Variants in LSM14B observed in about 807,000 individuals in gnomAD.
LSM14B encodes LSM family member 14B.
A neutral mutation model predicts 42.1 loss-of-function variants in LSM14B; 8 were observed. That is an observed-to-expected ratio of 0.19 (90% CI 0.11 to 0.34). The LOEUF is 0.34. LSM14B is among the 10% of genes least tolerant of loss of function. The probability of loss-of-function intolerance (pLI) is 1.00; values close to 1 mark genes in which losing one functional copy is unlikely to be tolerated. For missense variants in LSM14B, 396 were observed against 513.1 expected (o/e 0.77, Z 2.21); for synonymous variants, 219 against 209.7 (o/e 1.04, Z -0.38).
chr20:62,134,610 G>C lies in LSM14B; in HGVS notation c.*462G>C, dbSNP rs1182354109. 1 of 220,074 alleles carries C rather than the reference G, an allele frequency of 4.5e-6. No homozygotes were observed. Among genetic ancestry groups the C allele is most frequent in the Non-Finnish European group, 9.0e-6 (1 of 111,018 alleles). The allele number at this position is 220,074 out of a possible 1,614,324, so 13.6% of individuals were successfully genotyped here. A position where few individuals can be genotyped will look rare whatever the true frequency, so the allele number is the denominator to read the frequency against. ...TTGGCCTGGCACCCCACTGCCAAGG[G>C]TGGGGTCTCAGGAGTCAGGCAGGGC... On this transcript the variant is annotated 3_prime_UTR_variant, in exon 9 of 9. Transcript: ENST00000279068.
chr20:62,131,579 G>A, intron 7 of LSM14B, 73 bp downstream of exon 7: 1 of 1,570,186 alleles, frequency 6.4e-7, no homozygotes, highest in Middle Eastern at 1.7e-4. Context: ...CTCTCAACCT[G>A]AGGGCAGAGC....
chr20:62,122,563 C>G lies in LSM14B; in HGVS notation c.-104C>G. 1.2e-6 allele frequency: 1 copy of G among 837,140 alleles called. No individual in the cohort carries two copies. The highest frequency in any genetic ancestry group is 1.4e-6 in the Non-Finnish European group (1 of 693,668). The allele number at this position is 837,140 out of a possible 1,614,324, so 51.9% of individuals were successfully genotyped here. On this transcript the variant is annotated 5_prime_UTR_variant, in exon 1 of 9. Coordinates refer to ENST00000279068, the MANE Select transcript of LSM14B (RefSeq NM_144703.3). The surrounding 1 kb of genome is among the most constrained non-coding windows in gnomAD (Gnocchi z 4.6). The stretch of plus-strand genomic sequence containing the variant: ...GCGCCCAGGCGGAGGCGGCGGCGGG[C>G]GGAGGAGCGCAGGAGCGGGCGGCCA...
chr20:62,123,754 TTCA>T (rs2056493338), intron 1 of LSM14B, among the ~76,000 whole-genome samples: 1 of 152,242 alleles, frequency 6.6e-6, no homozygotes, highest in Admixed American at 6.5e-5. Context: ...CACAGGGAAC[TTCA>T]TGTGTAGAAG....
At position 62,126,364 on chromosome 20, in the gene LSM14B, C is replaced by T; in HGVS notation, c.352C>T (p.Arg118Ter). Residue 118 changes from arginine to a stop codon, truncating the protein, a stop_gained, in exon 3 of 9, where the codon CGA (arginine) becomes TGA (stop). Transcript: ENST00000279068. LOFTEE classifies it high-confidence loss of function. ...FQPHVPYSPF[R>*]GMAPYGPLAA... ...GCCGCACGTGCCTTACAGCCCTTTC[C>T]GAGGGATGGCGCCCTACGGCCCGCT... 1 of 1,613,312 alleles carries T rather than the reference C, an allele frequency of 6.2e-7. No homozygotes were observed. Among genetic ancestry groups the T allele is most frequent in the Admixed American group, 1.7e-5 (1 of 60,016 alleles).
At chr20:62,133,740 G>A (rs545365752) in intron 8 of LSM14B, among the ~76,000 whole-genome samples, 27 of 152,346 alleles carry the variant, frequency 1.8e-4, no homozygotes, top group African/African-American at 5.1e-4. Flanking sequence ...TGCGGGAGTC[G>A]CGTGGGCTGG....
intron 6 of LSM14B, 139 bp from the exon 7 acceptor site, chr20:62,131,217 G>A: frequency 9.9e-7 from 1 of 1,011,006 alleles, no homozygotes; most frequent in South Asian, 1.7e-5. Flanking sequence ...GGTAGAAGAA[G>A]AGATTTCTGC....
At chr20:62,126,053 T>G (rs1337292550) in intron 2 of LSM14B, among the ~76,000 whole-genome samples, 2 of 151,994 alleles carry the variant, frequency 1.3e-5, no homozygotes, top group African/African-American at 4.8e-5. Flanking sequence ...AGAGCAATAC[T>G]CTTTCAAAAA....
At position 62,133,383 on chromosome 20, in the gene LSM14B, C is replaced by T. The variant is rs771272518; in HGVS notation, c.1080C>T (p.Gly360=). Residue 360 remains glycine (G), a synonymous_variant, in exon 8 of 9, where the codon GGC becomes GGT. Transcript: ENST00000279068. ...GRFLRGRSSR[G]GFRGGRGNGT... ...TTCTTCGTGGCCGCAGTTCTCGGGG[C>T]GGATTCCGAGGAGGCAGGGGCAATG... The T allele has an allele frequency of 1.2e-5, 20 of 1,613,070 alleles. No homozygotes were observed. The East Asian group carries it at 1.3e-4, about 11-fold the overall frequency.
chr20:62,132,271 A>C (rs2056789987), intron 7 of LSM14B, among the ~76,000 whole-genome samples: 1 of 152,200 alleles, frequency 6.6e-6, no homozygotes, highest in East Asian at 1.9e-4. Context: ...GAGTGCGGGA[A>C]GTGCTTCCAG....
intron 3 of LSM14B, chr20:62,127,850 T>C (rs985385163): frequency 4.1e-6 from 3 of 723,774 alleles, no homozygotes; most frequent in Admixed American, 4.0e-5. Flanking sequence ...CAGCATGTAG[T>C]CCTGATTGAT....
intron 6 of LSM14B, among the ~76,000 whole-genome samples, chr20:62,131,024 G>C (rs2056752324): frequency 6.6e-6 from 1 of 152,142 alleles, no homozygotes; most frequent in Non-Finnish European, 1.5e-5. Flanking sequence ...CACTCCAGCC[G>C]GGCGATAGAG....
rs776926223 is a variant in LSM14B, at chr20:62,131,504, C to G, written c.984C>G (p.Thr328=). The G allele has an allele frequency of 2.5e-6, 4 of 1,612,792 alleles. No individual in the cohort carries two copies. Reference sequence around the variant, plus strand: ...ACAACATCTCTTCTGAACTCAAGACCAGGTGAGAGGCTGAATGAATGAGGG... The same window carrying G: ...ACAACATCTCTTCTGAACTCAAGACGAGGTGAGAGGCTGAATGAATGAGGG... ...FFDNISSELK[T]SSRRTTWAEE... The change falls in exon 7 of 9, where the codon ACC becomes ACG. Residue 328 remains threonine (T), a splice_region_variant and synonymous_variant. Transcript: ENST00000279068.
rs768743478 is a variant in LSM14B, at chr20:62,124,653, G to A, written c.164G>A (p.Arg55Lys). ...GGCACTGAAGACCGTCCCACAGATAGGCCTGCGCCCCCCAGAGAGGAGATT... is the reference window on the plus strand; with the variant it reads ...GGCACTGAAGACCGTCCCACAGATAAGCCTGCGCCCCCCAGAGAGGAGATT... Reference protein sequence around the residue: ...SFGTEDRPTDRPAPPREEIYE... With the variant: ...SFGTEDRPTDKPAPPREEIYE... The change falls in exon 2 of 9, where the codon AGG becomes AAG. Residue 55 changes from arginine to lysine, a missense_variant. Physicochemically the swap from Arg to Lys is conservative, Grantham distance 26. Coordinates refer to ENST00000279068, the MANE Select transcript of LSM14B (RefSeq NM_144703.3). 1 of 1,613,946 alleles carries A rather than the reference G, an allele frequency of 6.2e-7. No homozygotes were observed. Among genetic ancestry groups the A allele is most frequent in the South Asian group, 1.1e-5 (1 of 91,084 alleles).
intron 2 of LSM14B, among the ~76,000 whole-genome samples, chr20:62,125,554 T>C (rs2056569700): frequency 6.6e-6 from 1 of 152,260 alleles, no homozygotes; most frequent in African/African-American, 2.4e-5. Flanking sequence ...TCTGATGCCA[T>C]GTGCCTGCTT....
chr20:62,131,529 G>A, intron 7 of LSM14B, 23 bp downstream of exon 7: 1 of 1,609,752 alleles, frequency 6.2e-7, no homozygotes, highest in Non-Finnish European at 8.5e-7. Flanking sequence ...ATGAATGAGG[G>A]GAGGACAGTC....
In LSM14B at chr20:62,122,915, C is replaced by T. The variant is rs1185949051; in HGVS notation, c.127+122C>T. 5.6e-6 allele frequency: 5 copies of T among 896,308 alleles called. No individual in the cohort carries two copies. Among genetic ancestry groups the T allele is most frequent in the African/African-American group, 1.8e-5 (1 of 55,808 alleles). 55.5% of individuals were successfully genotyped at this position (896,308 alleles called of 1,614,324 possible). A position where few individuals can be genotyped will look rare whatever the true frequency, so the allele number is the denominator to read the frequency against. On this transcript the variant is annotated intron_variant, in intron 1 of 8. Transcript: ENST00000279068. The surrounding 1 kb of genome is among the most constrained non-coding windows in gnomAD (Gnocchi z 4.6). ...GCCCAGACCCCGCCCAGAACCCACC[C>T]AGGGCACACCCGGCCCGAGATCCCC...
At chr20:62,131,547 C>A (rs368863300) in intron 7 of LSM14B, 41 bp downstream of exon 7, 2 of 1,605,120 alleles carry the variant, frequency 1.2e-6, no homozygotes, top group African/African-American at 1.3e-5. Flanking sequence ...GTCCTCCAAT[C>A]TAGAAAGGAC....
Position 62,133,257 on chromosome 20 carries a change from C to G in LSM14B, c.987-33C>G, listed in dbSNP as rs770652401. The stretch of plus-strand genomic sequence containing the variant: ...CTGGCCAGAAGCCTGGGAGTCAGTG[C>G]CTGCTACAATCAGCATTTCCTCTGT... On this transcript the variant is annotated intron_variant, in intron 7 of 8. Coordinates refer to ENST00000279068, the MANE Select transcript of LSM14B (RefSeq NM_144703.3). 4 of 1,607,782 alleles carry G rather than the reference C, an allele frequency of 2.5e-6. No homozygotes were observed. In the Admixed American group the frequency reaches 6.8e-5, roughly 27 times the overall value.
chr20:62,131,285 GGGACC>G, intron 6 of LSM14B, 66 bp from the exon 7 acceptor site: 1 of 1,514,240 alleles, frequency 6.6e-7, no homozygotes, highest in African/African-American at 1.4e-5. Flanking sequence ...TGAGCCCGGA[GGGACC>G]ACCCTGCTAA....
Sources: gnomAD v4.1 joint callset for allele counts (sites outside exome capture counted in the v4.1 genomes callset) on GRCh38, gnomAD v4.1.1 for gene constraint, Gnocchi (gnomAD v3.1) non-coding constraint, MANE v1.5 for transcripts, NCBI Gene and HGNC (gene_info 2026-07-23, HGNC 2026-07-21) for gene names.